Variants in DPP10 observed in about 807,000 individuals in gnomAD.
The protein encoded by DPP10 is inactive dipeptidyl peptidase 10.
In DPP10, 33 loss-of-function variants were observed where a neutral mutation model predicts 120.9. That is an observed-to-expected ratio of 0.27 (90% CI 0.21 to 0.37). The LOEUF (loss-of-function observed/expected upper bound fraction) is 0.37. Among genes scored for constraint, DPP10 ranks in the 10% least tolerant of loss-of-function variants. The pLI is 1.00. For missense variants in DPP10, 816 were observed against 942.8 expected (o/e 0.87, Z 1.76); for synonymous variants, 337 against 326.1 (o/e 1.03, Z -0.36).
intron 7 of DPP10, among the ~76,000 whole-genome samples, chr2:115,703,537 T>G (rs894552428): frequency 6.6e-6 from 1 of 152,038 alleles, no homozygotes; most frequent in Non-Finnish European, 1.5e-5. Context: ...GTCCTAAATC[T>G]GTCGGGCAGG....
At chr2:115,044,635 C>T (rs1039286426) in intron 1 of DPP10, among the ~76,000 whole-genome samples, 1 of 152,130 alleles carries the variant, frequency 6.6e-6, no homozygotes, top group East Asian at 1.9e-4. Context: ...TACATTTCAA[C>T]ATGAGATTTT....
chr2:114,449,974 T>C (rs927713359), intron 1 of DPP10, among the ~76,000 whole-genome samples: 8 of 152,100 alleles, frequency 5.3e-5, no homozygotes, highest in African/African-American at 1.9e-4. Context: ...GGGAAGAAGA[T>C]TGGATTCAAA....
intron 5 of DPP10, among the ~76,000 whole-genome samples, chr2:115,576,462 CTAGA>C (rs2081662333): frequency 6.6e-6 from 1 of 152,174 alleles, no homozygotes; most frequent in Non-Finnish European, 1.5e-5. Context: ...CACAGAGTTG[CTAGA>C]TAGTCTTATG....
At chr2:115,615,079 A>G (rs1002259422) in intron 5 of DPP10, among the ~76,000 whole-genome samples, 6 of 152,056 alleles carry the variant, frequency 3.9e-5, no homozygotes, top group African/African-American at 1.4e-4. Flanking sequence ...GAAAACATAT[A>G]TTTTGGGGGA....
intron 5 of DPP10, among the ~76,000 whole-genome samples, chr2:115,574,295 T>G (rs1364132489): frequency 6.6e-6 from 1 of 152,338 alleles, no homozygotes; most frequent in East Asian, 1.9e-4. Flanking sequence ...GTCTTGTTTC[T>G]TTATCATTCC....
intron 1 of DPP10, among the ~76,000 whole-genome samples, chr2:114,534,728 G>T (rs59796831): frequency 6.6e-6 from 1 of 151,140 alleles, no homozygotes; most frequent in Admixed American, 6.6e-5. Flanking sequence ...AAGGGAATAC[G>T]TATCAACAAT....
intron 19 of DPP10, among the ~76,000 whole-genome samples, chr2:115,803,774 C>T (rs1011297260): frequency 2.6e-5 from 4 of 152,154 alleles, no homozygotes; most frequent in African/African-American, 7.2e-5. Flanking sequence ...TATCTTCTGG[C>T]TTCTAGAGTT....
chr2:115,577,634 A>G (rs183743399), intron 5 of DPP10, among the ~76,000 whole-genome samples: 97 of 152,252 alleles, frequency 6.4e-4, no homozygotes, highest in African/African-American at 2.2e-3. Context: ...GTGGTTCTGG[A>G]AGCTGGAAGT....
intron 1 of DPP10, among the ~76,000 whole-genome samples, chr2:114,942,180 G>A (rs1447698521): frequency 2.0e-5 from 3 of 150,476 alleles, no homozygotes; most frequent in African/African-American, 7.3e-5. Context: ...GACTAAAGCA[G>A]GAGAATGGCG....
chr2:115,423,837 G>A (rs116627598), intron 3 of DPP10, among the ~76,000 whole-genome samples: 1,751 of 152,126 alleles, frequency 0.012, 34 homozygotes, highest in African/African-American at 0.041. Flanking sequence ...CATAGTGTCT[G>A]TTCTATTTGC....
intron 2 of DPP10, among the ~76,000 whole-genome samples, chr2:115,337,660 A>T (rs894587997): frequency 1.7e-5 from 1 of 59,444 alleles, no homozygotes; most frequent in Non-Finnish European, 3.5e-5. Flanking sequence ...GAGGCTGCTC[A>T]TAAAAAAAAA....
intron 9 of DPP10, among the ~76,000 whole-genome samples, chr2:115,742,857 C>T (rs922670450): frequency 1.3e-5 from 2 of 151,968 alleles, no homozygotes; most frequent in Non-Finnish European, 2.9e-5. Context: ...CTAATGTGGT[C>T]AGATTTACTA....
At chr2:115,428,662 T>G (rs1396776039) in intron 3 of DPP10, among the ~76,000 whole-genome samples, 2 of 152,112 alleles carry the variant, frequency 1.3e-5, no homozygotes, top group Non-Finnish European at 2.9e-5. Flanking sequence ...AGGCCCCGCC[T>G]CCAACGTTGG....
chr2:114,478,106 A>G (rs1375959022), intron 1 of DPP10, among the ~76,000 whole-genome samples: 3 of 151,990 alleles, frequency 2.0e-5, no homozygotes, highest in Non-Finnish European at 2.9e-5. Flanking sequence ...TATTACCCTG[A>G]AAACAAAACC....
Position 115,799,442 on chromosome 2 carries a change from ATAT to A in DPP10, c.1700+8093_1700+8095del, listed in dbSNP as rs548801854. Among the ~76,000 whole-genome samples, 806 of 151,684 alleles carry A rather than the reference ATAT, an allele frequency of 5.3e-3. 11 individuals are homozygous for A. Among genetic ancestry groups the A allele is most frequent in the African/African-American group, 0.019 (775 of 41,388 alleles). Reference sequence around the variant, plus strand: ...GCTTTTATTTTTTCTTTTTTTATTAATATTATTATACTTTAAGTTTTAGGGTGC... The same window carrying A: ...GCTTTTATTTTTTCTTTTTTTATTAATATTATACTTTAAGTTTTAGGGTGC... On this transcript the variant is annotated intron_variant, in intron 19 of 25. Coordinates refer to ENST00000410059, the MANE Select transcript of DPP10 (RefSeq NM_020868.6).
chr2:115,743,567 G>C (rs771429549), intron 9 of DPP10, among the ~76,000 whole-genome samples: 3 of 152,036 alleles, frequency 2.0e-5, no homozygotes, highest in Non-Finnish European at 4.4e-5. Context: ...TCACTAACTG[G>C]AAGATTTAAT....
intron 1 of DPP10, among the ~76,000 whole-genome samples, chr2:114,810,310 C>T (rs554211108): frequency 6.6e-6 from 1 of 152,288 alleles, no homozygotes; most frequent in African/African-American, 2.4e-5. Flanking sequence ...TTTCTGAATT[C>T]TGACGCACAG....
At chr2:114,779,863 A>G (rs988186985) in intron 1 of DPP10, among the ~76,000 whole-genome samples, 8 of 151,942 alleles carry the variant, frequency 5.3e-5, no homozygotes, top group Non-Finnish European at 1.0e-4. Flanking sequence ...GGGGCTGAGC[A>G]CGGTGGCTCA....
intron 7 of DPP10, among the ~76,000 whole-genome samples, chr2:115,707,462 A>ACTCT (rs749106578): frequency 2.2e-5 from 3 of 134,356 alleles, no homozygotes; most frequent in African/African-American, 9.0e-5. Context: ...ACACACACAC[A>ACTCT]CTCTCTCCAC....
Sources: allele counts gnomAD v4.1 joint callset (sites outside exome capture counted in the v4.1 genomes callset), GRCh38; gene constraint gnomAD v4.1.1; transcripts MANE v1.5; gene names NCBI Gene and HGNC (gene_info 2026-07-23, HGNC 2026-07-21).